SLC39A12: variants seen among roughly 807,000 people sequenced by gnomAD.
SLC39A12 encodes solute carrier family 39 member 12.
A neutral mutation model predicts 71.1 loss-of-function variants in SLC39A12; 63 were observed. The ratio of observed to expected loss-of-function variants is 0.89; its 90% confidence interval spans 0.72 to 1.09. The LOEUF is 1.09. Among genes scored for constraint, SLC39A12 ranks in the 50% least tolerant of loss-of-function variants. SLC39A12 has a pLI of 0.00. For synonymous variants in SLC39A12, 351 were observed against 301.3 expected, an observed-to-expected ratio of 1.16 and a Z score of -1.71; for missense variants, 892 against 812.6, an observed-to-expected ratio of 1.10 and a Z score of -1.19.
chr10:18,008,825 C>G (rs916365032), intron 12 of SLC39A12: 2 of 152,110 alleles, frequency 1.3e-5, no homozygotes, highest in African/African-American at 4.8e-5. Flanking sequence ...TTAATTTTCT[C>G]TTTACTTTCT....
At chr10:17,967,896 A>ATAT (rs1283821688) in intron 4 of SLC39A12, among the ~76,000 whole-genome samples, 9 of 124,724 alleles carry the variant, frequency 7.2e-5, no homozygotes, top group Non-Finnish European at 1.1e-4. Flanking sequence ...CAAAAAAAAA[A>ATAT]AAATATATAT....
rs1056401888 is a variant in SLC39A12 at position 18,042,691 on chromosome 10, T to C, written c.1948-14T>C. 1.3e-6 allele frequency: 2 copies of C among 1,599,214 alleles called. No individual in the cohort carries two copies. The highest frequency in any genetic ancestry group is 1.8e-5 in the Admixed American group (1 of 56,532). ...ATATCTGGATCTTATTCTGGTTTTT[T>C]ATTCTTTTTTTAGCTTCCTGAAATG... is the stretch of plus-strand genomic sequence containing the variant. On this transcript the variant is annotated splice_polypyrimidine_tract_variant and intron_variant, in intron 12 of 12. Coordinates refer to ENST00000377369, the MANE Select transcript of SLC39A12 (RefSeq NM_001145195.2).
At chr10:17,996,985 A>G (rs546998759) in intron 10 of SLC39A12, among the ~76,000 whole-genome samples, 19 of 147,274 alleles carry the variant, frequency 1.3e-4, no homozygotes, top group Non-Finnish European at 2.2e-4. Context: ...ACTGCACTCC[A>G]GCACTCTAGT....
chr10:17,993,394 C>A, intron 9 of SLC39A12, 103 bp downstream of exon 9: 1 of 814,992 alleles, frequency 1.2e-6, no homozygotes, highest in South Asian at 1.7e-5. Flanking sequence ...AGATTTCATA[C>A]TCCTGATTTG....
intron 12 of SLC39A12, among the ~76,000 whole-genome samples, chr10:18,016,153 T>G (rs1589249808): frequency 6.6e-6 from 1 of 152,214 alleles, no homozygotes; most frequent in African/African-American, 2.4e-5. Context: ...TCATACGGAA[T>G]AGTTGCACTG....
intron 2 of SLC39A12, among the ~76,000 whole-genome samples, chr10:17,956,242 G>A (rs1834545785): frequency 6.6e-6 from 1 of 151,992 alleles, no homozygotes; most frequent in African/African-American, 2.4e-5. Context: ...AGAATCATGT[G>A]GACATAGATG....
chr10:17,955,921 G>A (rs1834534257), intron 2 of SLC39A12, among the ~76,000 whole-genome samples: 1 of 152,124 alleles, frequency 6.6e-6, no homozygotes, highest in Admixed American at 6.5e-5. Context: ...CAATAATTAT[G>A]AGAACCATAA....
At chr10:17,992,076 G>A (rs1013720997) in intron 8 of SLC39A12, among the ~76,000 whole-genome samples, 5 of 120,404 alleles carry the variant, frequency 4.2e-5, no homozygotes, top group Admixed American at 2.0e-4. Context: ...GTGACAGAGC[G>A]AGACTCCATC....
chr10:18,041,731 ATATATGTATATACATG>A (rs1837248481), intron 12 of SLC39A12, among the ~76,000 whole-genome samples: 1 of 141,676 alleles, frequency 7.1e-6, no homozygotes, highest in African/African-American at 2.6e-5. Flanking sequence ...ATATATGTGT[ATATATGTATATACATG>A]TATATATGTG....
At position 18,003,257 on chromosome 10, in the gene SLC39A12, G is replaced by T; in HGVS notation, c.1846G>T (p.Gly616Ter). 6.2e-7 allele frequency: 1 copy of T among 1,614,026 alleles called. No individual in the cohort carries two copies. The highest frequency in any genetic ancestry group is 8.5e-7 in the Non-Finnish European group (1 of 1,179,988). Residue 616 changes from glycine (G) to a stop codon, truncating the protein, a stop_gained, in exon 12 of 13, where the codon GGA (glycine) becomes TGA (stop). Transcript: ENST00000377369. LOFTEE classifies it high-confidence loss of function. ...TATAAGCTCCCTAACTGCCTTCATG[G>T]GATTATACATTGGCCTTTCCGTGTC... ...NFISSLTAFM[G>*]LYIGLSVSAD...
intron 12 of SLC39A12, among the ~76,000 whole-genome samples, chr10:18,013,490 C>T (rs935722458): frequency 1.3e-5 from 2 of 151,856 alleles, no homozygotes; most frequent in African/African-American, 4.8e-5. Flanking sequence ...ACCTCAGCCT[C>T]CCAAGTAGCT....
chr10:17,971,683 C>A (rs888881688), intron 4 of SLC39A12, among the ~76,000 whole-genome samples: 1 of 152,130 alleles, frequency 6.6e-6, no homozygotes, highest in African/African-American at 2.4e-5. Context: ...GTTGTAATGT[C>A]TCTTTTTTCA....
intron 12 of SLC39A12, among the ~76,000 whole-genome samples, chr10:18,027,960 T>A (rs544481168): frequency 6.6e-6 from 1 of 152,224 alleles, no homozygotes; most frequent in African/African-American, 2.4e-5. Context: ...ATAATTAGGA[T>A]GCCCCCCAAG....
intron 12 of SLC39A12, 143 bp from the exon 13 acceptor site, chr10:18,042,562 T>C (rs955745493): frequency 1.5e-6 from 1 of 650,120 alleles, no homozygotes; most frequent in Non-Finnish European, 2.3e-6. Flanking sequence ...CATGGTAGAG[T>C]AGGTATTCAG....
intron 5 of SLC39A12, among the ~76,000 whole-genome samples, chr10:17,979,700 C>G (rs1267769936): frequency 2.0e-5 from 3 of 152,218 alleles, no homozygotes; most frequent in Non-Finnish European, 4.4e-5. Context: ...TGCCCAATCC[C>G]TTACTGAGAA....
At chr10:18,005,411 G>A (rs980752003) in intron 12 of SLC39A12, 1 of 152,176 alleles carries the variant, frequency 6.6e-6, no homozygotes, top group African/African-American at 2.4e-5. Context: ...CAGTCTTGAA[G>A]GTAATGTGTG....
In SLC39A12 at chr10:17,961,638, A is replaced by G. The variant is rs782555543; in HGVS notation, c.319A>G (p.Arg107Gly). 2 of 1,613,984 alleles carry G rather than the reference A, an allele frequency of 1.2e-6. No homozygotes were observed. Among genetic ancestry groups the G allele is most frequent in the Non-Finnish European group, 1.7e-6 (2 of 1,179,976 alleles). The change falls in exon 3 of 13, where the codon AGA becomes GGA. Residue 107 changes from arginine (R) to glycine (G), a missense_variant. Arg to Gly is a moderately radical substitution (Grantham distance 125). Transcript: ENST00000377369. ...IAGGNFEDQLREEVVQRVSLL... is the reference protein window; with the variant it reads ...IAGGNFEDQLGEEVVQRVSLL... ...TGGAGGAAATTTTGAAGATCAGCTT[A>G]GAGAAGAAGTGGTCCAGAGAGTTTC...
chr10:17,969,338 A>G (rs1216173826), intron 4 of SLC39A12, among the ~76,000 whole-genome samples: 1 of 152,076 alleles, frequency 6.6e-6, no homozygotes, highest in African/African-American at 2.4e-5. Context: ...TGGTAGCTCA[A>G]TTTTTAGTTT....
chr10:18,036,382 G>A (rs1023632060), intron 12 of SLC39A12, among the ~76,000 whole-genome samples: 3 of 152,110 alleles, frequency 2.0e-5, no homozygotes, highest in Non-Finnish European at 2.9e-5. Context: ...TCTGAAAAGC[G>A]CAGTATTCGG....
Sources: gnomAD v4.1 joint callset for allele counts (sites outside exome capture counted in the v4.1 genomes callset) on GRCh38, gnomAD v4.1.1 for gene constraint, MANE v1.5 for transcripts, NCBI Gene and HGNC (gene_info 2026-07-23, HGNC 2026-07-21) for gene names.